The following GSN variants were observed in gnomAD, a reference collection of about 807,000 sequenced individuals.
GSN encodes the protein actin-depolymerizing factor.
In GSN, 56 loss-of-function variants were observed where a neutral mutation model predicts 85.7. The observed-to-expected ratio is 0.65, with a 90% CI of 0.53 to 0.82. The LOEUF is 0.82. Among genes scored for constraint, GSN ranks in the 40% least tolerant of loss-of-function variants. The pLI is 0.00. For synonymous variants in GSN, 373 were observed against 399.1 expected, an observed-to-expected ratio of 0.93 and a Z score of 0.78; for missense variants, 857 against 979.8, an observed-to-expected ratio of 0.87 and a Z score of 1.67.
intron 3 of GSN, among the ~76,000 whole-genome samples, chr9:121,302,599 G>A (rs1452637425): frequency 6.6e-6 from 1 of 152,258 alleles, no homozygotes; most frequent in Admixed American, 6.5e-5. Flanking sequence ...GATGCTATAA[G>A]TTCTGCCCCC....
intron 5 of GSN, among the ~76,000 whole-genome samples, chr9:121,243,545 G>T (rs191755359): frequency 6.6e-6 from 1 of 152,166 alleles, no homozygotes; most frequent in East Asian, 1.9e-4. Flanking sequence ...CAAGGTCAGG[G>T]TTATTGAGGT....
At chr9:121,252,477 A>G (rs531888123) in intron 6 of GSN, among the ~76,000 whole-genome samples, 4 of 152,366 alleles carry the variant, frequency 2.6e-5, no homozygotes, top group Admixed American at 1.3e-4. Context: ...CTGTTCACCA[A>G]GTATCTATCT....
chr9:121,282,605 C>T, intron 2 of GSN: 1 of 927,740 alleles, frequency 1.1e-6, no homozygotes, highest in Non-Finnish European at 1.4e-6. Flanking sequence ...GCCAGGGATT[C>T]CCAAAAGGTC....
chr9:121,301,234 GCCTGGGGCAACC>G lies in GSN; in HGVS notation c.-9-724_-9-713del, dbSNP rs546801026. Reference sequence around the variant, plus strand: ...TCATCCCAGAGCTTGTGATCTTGGAGCCTGGGGCAACCCCTGCTACACTGTTTCCTAGCTGGA... The same window carrying G: ...TCATCCCAGAGCTTGTGATCTTGGAGCCTGCTACACTGTTTCCTAGCTGGA... On this transcript the variant is annotated intron_variant, in intron 2 of 17. Coordinates refer to ENST00000432226, the MANE Select transcript of GSN (RefSeq NM_198252.3). 3.9e-5 allele frequency among the ~76,000 whole-genome samples: 6 copies of G among 152,312 alleles called. 1 individual carries two copies. The South Asian group carries it at 1.2e-3, about 32-fold the overall frequency.
intron 4 of GSN, among the ~76,000 whole-genome samples, chr9:121,216,591 G>A (rs2132092417): frequency 6.6e-6 from 1 of 152,262 alleles, no homozygotes; most frequent in East Asian, 1.9e-4. Flanking sequence ...CACTTCCTCT[G>A]TGATGCCTGC....
intron 2 of GSN, among the ~76,000 whole-genome samples, chr9:121,294,145 T>A (rs1348552618): frequency 6.6e-6 from 1 of 152,130 alleles, no homozygotes; most frequent in Admixed American, 6.5e-5. Flanking sequence ...CTGGCTTGGG[T>A]TGGGGCATTG....
chr9:121,286,072 C>G, intron 2 of GSN: 1 of 1,521,548 alleles, frequency 6.6e-7, no homozygotes, highest in Non-Finnish European at 8.8e-7. Flanking sequence ...AATCCTGAGT[C>G]CTATTTATAG....
chr9:121,281,418 A>G (rs1258949287), intron 1 of GSN, 52 bp from the exon 2 acceptor site: 3 of 368,158 alleles, frequency 8.1e-6, no homozygotes, highest in Non-Finnish European at 1.7e-5. Flanking sequence ...GGATTTGACC[A>G]GATGACCTTG....
At chr9:121,281,918 G>A (rs1188157208) in intron 2 of GSN, 1 of 471,344 alleles carries the variant, frequency 2.1e-6, no homozygotes, top group African/African-American at 2.0e-5. Context: ...CCCATAAAGA[G>A]GAGGTGCAGG....
intron 4 of GSN, among the ~76,000 whole-genome samples, chr9:121,216,528 C>T (rs926229539): frequency 2.0e-5 from 3 of 152,236 alleles, no homozygotes; most frequent in Admixed American, 6.5e-5. Flanking sequence ...CCCTAACTCT[C>T]CTACCTGCCT....
chr9:121,321,069 G>A (rs1230230010), intron 10 of GSN, among the ~76,000 whole-genome samples, 199 bp from the exon 11 acceptor site: 2 of 152,194 alleles, frequency 1.3e-5, no homozygotes, highest in Non-Finnish European at 2.9e-5. Flanking sequence ...GCCCAGGCAG[G>A]AACCCTGACC....
chr9:121,270,114 A>G (rs2055714305), intron 1 of GSN, among the ~76,000 whole-genome samples: 1 of 152,210 alleles, frequency 6.6e-6, no homozygotes, highest in Non-Finnish European at 1.5e-5. Context: ...GTTGGGGGAA[A>G]AGACATTCTG....
intron 4 of GSN, among the ~76,000 whole-genome samples, chr9:121,229,426 G>T (rs1416275913): frequency 6.6e-6 from 1 of 152,028 alleles, no homozygotes; most frequent in East Asian, 1.9e-4. Context: ...CGCCATGTTG[G>T]CCAGGCTGGT....
At chr9:121,224,310 A>C (rs190451814) in intron 4 of GSN, among the ~76,000 whole-genome samples, 1 of 151,626 alleles carries the variant, frequency 6.6e-6, no homozygotes. Context: ...TGTGTTAGCC[A>C]GGATGGTCTC....
intron 4 of GSN, among the ~76,000 whole-genome samples, chr9:121,306,550 TAGAC>T (rs2060444708): frequency 6.6e-6 from 1 of 152,200 alleles, no homozygotes; most frequent in Admixed American, 6.5e-5. Flanking sequence ...CGTATATAGG[TAGAC>T]AGACACATAT....
intron 2 of GSN, among the ~76,000 whole-genome samples, chr9:121,295,317 T>A (rs1321956574): frequency 6.6e-6 from 1 of 152,194 alleles, no homozygotes. Flanking sequence ...CTGGGTTTCA[T>A]AACTGGCTTC....
At chr9:121,304,778 C>T (rs955741197) in intron 4 of GSN, among the ~76,000 whole-genome samples, 1 of 152,148 alleles carries the variant, frequency 6.6e-6, no homozygotes, top group Admixed American at 6.5e-5. Flanking sequence ...AGAGAGGTCA[C>T]ATAACTATAT....
Position 121,314,019 on chromosome 9 carries a change from A to G in GSN, c.749A>G (p.Tyr250Cys), listed in dbSNP as rs758752620. ...DAANRKLAKL[Y>C]KVSNGAGTMS... Reference sequence around the variant, plus strand: ...GCCAACCGCAAGCTGGCCAAGCTCTACAAGGTGAGCACCAGATGCACTGTC... The same window carrying G: ...GCCAACCGCAAGCTGGCCAAGCTCTGCAAGGTGAGCACCAGATGCACTGTC... Residue 250 changes from tyrosine to cysteine, a missense_variant, in exon 7 of 18, where the codon TAC becomes TGC. Coordinates refer to ENST00000432226, the MANE Select transcript of GSN (RefSeq NM_198252.3). 4 of 1,611,452 alleles carry G rather than the reference A, an allele frequency of 2.5e-6. No homozygotes were observed. The highest frequency in any genetic ancestry group is 2.2e-5 in the East Asian group (1 of 44,878).
rs972723018 is a variant in GSN at position 121,324,793 on chromosome 9, C to CCATA, written c.1416+152_1416+153insACAT. 12 of 666,380 alleles carry CCATA rather than the reference C, an allele frequency of 1.8e-5. No homozygotes were observed. The African/African-American group carries it at 2.1e-4, about 12-fold the overall frequency. 41.3% of individuals were successfully genotyped at this position (666,380 alleles called of 1,614,324 possible). A position where few individuals can be genotyped will look rare whatever the true frequency, so the allele number is the denominator to read the frequency against. ...TCCATCCATCCATCCATCCATCCAT[C>CCATA]CATGGAACAGGTATTTATTTAGGGC... is the stretch of plus-strand genomic sequence containing the variant. On this transcript the variant is annotated intron_variant, in intron 12 of 17. Transcript: ENST00000432226.
Sources: allele counts gnomAD v4.1 joint callset (sites outside exome capture counted in the v4.1 genomes callset), GRCh38; gene constraint gnomAD v4.1.1; transcripts MANE v1.5; gene names NCBI Gene and HGNC (gene_info 2026-07-23, HGNC 2026-07-21).